The following ZNF687 variants were observed in gnomAD, a reference collection of about 807,000 sequenced individuals.
ZNF687 encodes zinc finger protein 687.
ZNF687 carries 13 observed loss-of-function variants against 71.8 expected under a neutral mutation model. That is an observed-to-expected ratio of 0.18 (90% CI 0.12 to 0.29). The LOEUF (loss-of-function observed/expected upper bound fraction) is 0.29. Among genes scored for constraint, ZNF687 ranks in the 10% least tolerant of loss-of-function variants. The probability of loss-of-function intolerance (pLI) is 1.00; values close to 1 mark genes in which losing one functional copy is unlikely to be tolerated. For synonymous variants in ZNF687, 673 were observed against 641.6 expected (o/e 1.05, Z -0.74); for missense variants, 1,412 against 1,625.6 (o/e 0.87, Z 2.26).
intron 4 of ZNF687, 53 bp downstream of exon 4, chr1:151,289,324 G>GA: frequency 6.2e-7 from 1 of 1,613,050 alleles, no homozygotes; most frequent in Middle Eastern, 1.7e-4. Context: ...TGGGGCGCAG[G>GA]AGGGGAGGGG....
intron 7 of ZNF687, 28 bp from the exon 8 acceptor site, chr1:151,290,404 G>T (rs1694176697): frequency 6.2e-7 from 1 of 1,613,530 alleles, no homozygotes; most frequent in African/African-American, 1.3e-5. Context: ...CTGTGCCGCT[G>T]CTGCCATCCT....
Position 151,287,640 on chromosome 1 carries a change from C to G in ZNF687, c.1349C>G (p.Pro450Arg). The change falls in exon 2 of 9, where the codon CCT (proline) becomes CGT (arginine). Residue 450 changes from proline to arginine, a missense_variant. Transcript: ENST00000336715. This position sits in a 1 kb window ranked among gnomAD's most constrained non-coding sequence, Gnocchi z 5.0. ...NVLGLVPQALPKADGRAGLGT... is the reference protein window; with the variant it reads ...NVLGLVPQALRKADGRAGLGT... Reference sequence around the variant, plus strand: ...CTAGGCCTGGTGCCCCAAGCCCTGCCTAAGGCTGACGGGCGGGCAGGGCTG... The same window carrying G: ...CTAGGCCTGGTGCCCCAAGCCCTGCGTAAGGCTGACGGGCGGGCAGGGCTG... 1 of 1,613,384 alleles carries G rather than the reference C, an allele frequency of 6.2e-7. No individual in the cohort carries two copies. Among genetic ancestry groups the G allele is most frequent in the African/African-American group, 1.3e-5 (1 of 75,006 alleles).
Position 151,290,020 on chromosome 1 carries a change from C to G in ZNF687, c.2964+13C>G. 1 of 1,592,988 alleles carries G rather than the reference C, an allele frequency of 6.3e-7. No individual in the cohort carries two copies. Among genetic ancestry groups the G allele is most frequent in the East Asian group, 2.2e-5 (1 of 44,604 alleles). ...GGAGCATGGCAAGGTGAGTGGGCCC[C>G]AAGGGGAGTACCATGGGCTGGGGGC... On this transcript the variant is annotated intron_variant, in intron 6 of 8. Coordinates refer to ENST00000336715, the MANE Select transcript of ZNF687 (RefSeq NM_020832.3).
At chr1:151,281,713 G>A (rs1223650599), upstream of ZNF687, 1 of 422,978 alleles carries the variant, frequency 2.4e-6, no homozygotes. Flanking sequence ...GAAATGGTCA[G>A]CGGATGACGT....
Position 151,287,319 on chromosome 1 carries a change from C to A in ZNF687, c.1028C>A (p.Thr343Lys), listed in dbSNP as rs1693995796. The A allele has an allele frequency of 6.2e-7, 1 of 1,614,200 alleles. No homozygotes were observed. The highest frequency in any genetic ancestry group is 1.1e-5 in the South Asian group (1 of 91,082). The change falls in exon 2 of 9, where the codon ACA (threonine) becomes AAA (lysine). Residue 343 changes from threonine to lysine, a missense_variant. This residue lies in a region of ZNF687 where 490 missense variants were observed against 489.9 expected (regional missense o/e 1.00). Transcript: ENST00000336715. The surrounding 1 kb of genome is among the most constrained non-coding windows in gnomAD (Gnocchi z 5.0). Reference protein sequence around the residue: ...KTIKTSCGNITRTVTQVPSDP... With the variant: ...KTIKTSCGNIKRTVTQVPSDP... Reference sequence around the variant, plus strand: ...ATTAAAACATCCTGCGGGAATATCACAAGGACTGTAACTCAGGTCCCCTCA... The same window carrying A: ...ATTAAAACATCCTGCGGGAATATCAAAAGGACTGTAACTCAGGTCCCCTCA...
At position 151,290,921 on chromosome 1, in the gene ZNF687, G is replaced by C. The variant is rs77014701; in HGVS notation, c.3426G>C (p.Leu1142Phe). 4 of 1,606,748 alleles carry C rather than the reference G, an allele frequency of 2.5e-6. No homozygotes were observed. The highest frequency in any genetic ancestry group is 3.4e-6 in the Non-Finnish European group (4 of 1,178,162). ...DGAQQCLDCG[L>F]CFASPGSLSR... The stretch of plus-strand genomic sequence containing the variant: ...CCCAGCAGTGCCTCGACTGTGGCTT[G>C]TGCTTTGCCTCCCCTGGCTCCCTGA... Residue 1142 changes from leucine (L) to phenylalanine (F), a missense_variant, in exon 9 of 9, where the codon TTG (leucine) becomes TTC (phenylalanine). Physicochemically the swap from Leu to Phe is conservative, Grantham distance 22. This residue lies in a region of ZNF687 where 284 missense variants were observed against 359.2 expected (regional missense o/e 0.79). Transcript: ENST00000336715.
At position 151,286,576 on chromosome 1, in the gene ZNF687, T is replaced by C. The variant is rs368214264; in HGVS notation, c.285T>C (p.Ser95=). The part of the protein sequence containing the change: ...IVKNTVCPEQ[S]EALAGGSAGD... Reference sequence around the variant, plus strand: ...AGAACACTGTGTGTCCCGAGCAGTCTGAGGCCCTGGCTGGAGGCTCAGCAG... The same window carrying C: ...AGAACACTGTGTGTCCCGAGCAGTCCGAGGCCCTGGCTGGAGGCTCAGCAG... The change falls in exon 2 of 9, where the codon TCT becomes TCC. Residue 95 remains serine, a synonymous_variant. Transcript: ENST00000336715. 1.9e-6 allele frequency: 3 copies of C among 1,614,122 alleles called. No individual in the cohort carries two copies. The highest frequency in any genetic ancestry group is 1.7e-6 in the Non-Finnish European group (2 of 1,180,042).
intron 1 of ZNF687, among the ~76,000 whole-genome samples, chr1:151,282,805 G>A (rs1693771877): frequency 2.0e-5 from 3 of 152,202 alleles, no homozygotes; most frequent in Admixed American, 2.0e-4. Context: ...CCGGGCCCGG[G>A]CAAGACTCAG....
intron 1 of ZNF687, 141 bp downstream of exon 1, chr1:151,282,536 C>A: frequency 2.0e-6 from 1 of 498,184 alleles, no homozygotes; most frequent in Non-Finnish European, 2.6e-6. Context: ...AAGGCCCAGA[C>A]ACCGCCTCCA....
At chr1:151,284,302 G>T (rs587609832) in intron 1 of ZNF687, 2 of 981,078 alleles carry the variant, frequency 2.0e-6, no homozygotes, top group East Asian at 2.3e-4. Context: ...GGGAAAGCAA[G>T]ATGGGGAGGG....
rs768056935 is a variant in ZNF687 at position 151,291,233 on chromosome 1, G to A, written c.*24G>A. On this transcript the variant is annotated 3_prime_UTR_variant, in exon 9 of 9. Transcript: ENST00000336715. ...AGTCTCCAAGGCCTGGGACTGACCA[G>A]CCCCTTCCTCTTGGAGCCTGGTTTT... 1 of 1,569,662 alleles carries A rather than the reference G, an allele frequency of 6.4e-7. No individual in the cohort carries two copies. Among genetic ancestry groups the A allele is most frequent in the South Asian group, 1.2e-5 (1 of 86,332 alleles).
At position 151,289,154 on chromosome 1, in the gene ZNF687, C is replaced by T. The variant is rs767780036; in HGVS notation, c.2354C>T (p.Thr785Met). Residue 785 changes from threonine (T) to methionine (M), a missense_variant, in exon 4 of 9, where the codon ACG (threonine) becomes ATG (methionine). Physicochemically the swap from Thr to Met is moderately conservative, Grantham distance 81. Around this residue, in one of 8 missense-constraint regions of ZNF687, gnomAD observed 106 missense variants for 146.0 expected, o/e 0.73. Transcript: ENST00000336715. Reference sequence around the variant, plus strand: ...AACTCCATCAAGTCCCACATCCAGACGTCGCACTGCGAGGTTTTCCACAAG... The same window carrying T: ...AACTCCATCAAGTCCCACATCCAGATGTCGCACTGCGAGGTTTTCCACAAG... ...GVNSIKSHIQ[T>M]SHCEVFHKCP... 27 of 1,614,130 alleles carry T rather than the reference C, an allele frequency of 1.7e-5. No individual in the cohort carries two copies. Among genetic ancestry groups the T allele is most frequent in the South Asian group, 5.5e-5 (5 of 91,096 alleles).
In ZNF687 at chr1:151,282,509, C is replaced by G. The variant is rs587738055; in HGVS notation, c.-18+114C>G. 2.1e-4 allele frequency: 165 copies of G among 785,112 alleles called. 1 individual carries two copies. The African/African-American group carries it at 2.9e-3, about 14-fold the overall frequency. 48.6% of individuals were successfully genotyped at this position (785,112 alleles called of 1,614,324 possible). A position where few individuals can be genotyped will look rare whatever the true frequency, so the allele number is the denominator to read the frequency against. On this transcript the variant is annotated intron_variant, in intron 1 of 8. Transcript: ENST00000336715. ...ACTACCCCCTTCTCCGCGCCGCCCC[C>G]TGGGGCGGCTTCTAGGAAGGCCCAG...
intron 3 of ZNF687, 144 bp downstream of exon 3, chr1:151,288,850 C>T: frequency 1.8e-6 from 2 of 1,130,380 alleles, no homozygotes; most frequent in Non-Finnish European, 2.5e-6. Flanking sequence ...GATAGTACGT[C>T]CTGCCTTCCC....
In ZNF687 at chr1:151,287,260, C is replaced by T. The variant is rs1382968326; in HGVS notation, c.969C>T (p.Ser323=). ...DEDSNDSPAS[S]SSRPLKVRIK... is the part of the protein sequence containing the mutation. ...ACAGCAATGACTCCCCTGCCTCCAGCTCCTCTAGGCCTCTTAAGGTGCGGA... is the reference window on the plus strand; with the variant it reads ...ACAGCAATGACTCCCCTGCCTCCAGTTCCTCTAGGCCTCTTAAGGTGCGGA... Residue 323 remains serine, a synonymous_variant, in exon 2 of 9, where the codon AGC becomes AGT. Transcript: ENST00000336715. The surrounding 1 kb of genome is among the most constrained non-coding windows in gnomAD (Gnocchi z 5.0). 6.2e-7 allele frequency: 1 copy of T among 1,614,246 alleles called. No individual in the cohort carries two copies. The highest frequency in any genetic ancestry group is 1.3e-5 in the African/African-American group (1 of 75,052).
At chr1:151,282,755 C>T (rs1328684838) in intron 1 of ZNF687, among the ~76,000 whole-genome samples, 1 of 151,994 alleles carries the variant, frequency 6.6e-6, no homozygotes, top group East Asian at 1.9e-4. Context: ...TGGGCCAGGC[C>T]GGAGCAGAAC....
rs752735312 is a variant in ZNF687 at position 151,290,502 on chromosome 1, G to A, written c.3148G>A (p.Gly1050Ser). 43 of 1,613,844 alleles carry A rather than the reference G, an allele frequency of 2.7e-5. No individual in the cohort carries two copies. Among genetic ancestry groups the A allele is most frequent in the African/African-American group, 9.3e-5 (7 of 74,934 alleles). ...AGAGAAACATGTCCAGGTCCGGCACGGCTTGCAGCTTGGGGCCCAGTCCCC... is the reference window on the plus strand; with the variant it reads ...AGAGAAACATGTCCAGGTCCGGCACAGCTTGCAGCTTGGGGCCCAGTCCCC... ...ILEKHVQVRH[G>S]LQLGAQSPGR... is the part of the protein sequence containing the mutation. The change falls in exon 8 of 9, where the codon GGC becomes AGC. Residue 1050 changes from glycine to serine, a missense_variant. This residue lies in a region of ZNF687 where 284 missense variants were observed against 359.2 expected (regional missense o/e 0.79). Coordinates refer to ENST00000336715, the MANE Select transcript of ZNF687 (RefSeq NM_020832.3).
intron 4 of ZNF687, 46 bp from the exon 5 acceptor site, chr1:151,289,332 G>C: frequency 6.2e-7 from 1 of 1,613,356 alleles, no homozygotes. Flanking sequence ...AGGAGGGGAG[G>C]GGCTGCACCC....
Position 151,289,926 on chromosome 1 carries a change from A to C in ZNF687, c.2883A>C (p.Gly961=). The C allele has an allele frequency of 6.4e-7, 1 of 1,560,588 alleles. No individual in the cohort carries two copies. The highest frequency in any genetic ancestry group is 8.7e-7 in the Non-Finnish European group (1 of 1,150,120). The change falls in exon 6 of 9, where the codon GGA becomes GGC. Residue 961 remains glycine, a synonymous_variant. Coordinates refer to ENST00000336715, the MANE Select transcript of ZNF687 (RefSeq NM_020832.3). ...TCAAGGGTGGGGGTGGGGGGCCTGGAGGCTGGACCTGTGGCCTGTGTCACT... is the reference window on the plus strand; with the variant it reads ...TCAAGGGTGGGGGTGGGGGGCCTGGCGGCTGGACCTGTGGCCTGTGTCACT... The part of the protein sequence containing the change: ...KGLKGGGGGP[G]GWTCGLCHSW...
Sources: gnomAD v4.1 joint callset for allele counts (sites outside exome capture counted in the v4.1 genomes callset) on GRCh38, gnomAD v4.1.1 for gene constraint, gnomAD v4.1.1 regional missense constraint, Gnocchi (gnomAD v3.1) non-coding constraint, MANE v1.5 for transcripts, NCBI Gene and HGNC (gene_info 2026-07-23, HGNC 2026-07-21) for gene names.